The following UBE2W variants were observed in gnomAD, a reference collection of about 807,000 sequenced individuals.
UBE2W encodes ubiquitin conjugating enzyme E2 W, also known as ubiquitin-conjugating enzyme E2 W.
Under a neutral mutation model 27.2 loss-of-function variants are expected in UBE2W, and 18 were observed. That is an observed-to-expected ratio of 0.66 (90% CI 0.46 to 0.98). UBE2W has a LOEUF of 0.98. UBE2W is among the 50% of genes least tolerant of loss of function. The probability of loss-of-function intolerance (pLI) is 0.00; values close to 1 mark genes in which losing one functional copy is unlikely to be tolerated. For missense variants in UBE2W, 90 were observed against 180.2 expected, an observed-to-expected ratio of 0.50 and a Z score of 2.87; for synonymous variants, 53 against 57.2, an observed-to-expected ratio of 0.93 and a Z score of 0.33.
At chr8:73,864,290 A>G (rs997663866) in intron 1 of UBE2W, among the ~76,000 whole-genome samples, 2 of 152,176 alleles carry the variant, frequency 1.3e-5, no homozygotes, top group African/African-American at 4.8e-5. Context: ...ACTATTTGGA[A>G]GGCTAAGGCA....
At chr8:73,861,610 G>C (rs775386596) in intron 1 of UBE2W, among the ~76,000 whole-genome samples, 1 of 152,064 alleles carries the variant, frequency 6.6e-6, no homozygotes, top group African/African-American at 2.4e-5. Flanking sequence ...GACCAACCCA[G>C]ATTACGTTTT....
rs2130865200 is a variant in UBE2W at position 73,805,723 on chromosome 8, GTC to G, written c.368_369del (p.Arg123ThrfsTer5). On this transcript the variant is annotated frameshift_variant and splice_region_variant, in exon 5 of 6. Coordinates refer to ENST00000602593, the MANE Select transcript of UBE2W (RefSeq NM_018299.6). LOFTEE classifies it high-confidence loss of function. ...ISMLSSCKEK[R>X]RPPDNSFYVR... ...ACATAAAAAGAATTATCCGGTGGTC[GTC>G]TCTGAAACAAAAAATAATTTAAATA... is the stretch of plus-strand genomic sequence containing the variant. The G allele has an allele frequency of 6.6e-7, 1 of 1,504,796 alleles. No individual in the cohort carries two copies. Among genetic ancestry groups the G allele is most frequent in the Non-Finnish European group, 9.0e-7 (1 of 1,116,576 alleles). The allele number at this position is 1,504,796 out of a possible 1,614,324, so 93.2% of individuals were successfully genotyped here.
chr8:73,787,685 CT>C lies in UBE2W; in HGVS notation c.*6416del, dbSNP rs1808013937. On this transcript the variant is annotated 3_prime_UTR_variant, in exon 6 of 6. Transcript: ENST00000602593. ...AGATAGCCCCTTCTTGTGGTTATTT[CT>C]TTCCTCTTCTTGCAGCTTCAAGAGT... The C allele has an allele frequency of 1.0e-6, 1 of 985,304 alleles. No individual in the cohort carries two copies. The highest frequency in any genetic ancestry group is 4.7e-5 in the South Asian group (1 of 21,292). 61.0% of individuals were successfully genotyped at this position (985,304 alleles called of 1,614,324 possible).
At chr8:73,829,692 T>C (rs911061502) in intron 2 of UBE2W, among the ~76,000 whole-genome samples, 11 of 152,254 alleles carry the variant, frequency 7.2e-5, no homozygotes, top group African/African-American at 2.6e-4. Context: ...CCCAAAACTG[T>C]TTCCTCTGAA....
chr8:73,845,062 C>CCTGCCCGGCCAG (rs1810727668), intron 1 of UBE2W, among the ~76,000 whole-genome samples: 1 of 147,444 alleles, frequency 6.8e-6, no homozygotes, highest in Non-Finnish European at 1.5e-5. Context: ...GTGGCCAGCC[C>CCTGCCCGGCCAG]CCGCCCGGCC....
rs1808304230 is a variant in UBE2W, at chr8:73,793,902, A to G, written c.*200T>C. On this transcript the variant is annotated 3_prime_UTR_variant, in exon 6 of 6. Transcript: ENST00000602593. ...CCTGCATTAATACTGTATGACTAAT[A>G]AAAGCATGTCAGTTGCCTGGACTGA... 7.1e-7 allele frequency: 1 copy of G among 1,405,418 alleles called. No individual in the cohort carries two copies. The highest frequency in any genetic ancestry group is 9.3e-7 in the Non-Finnish European group (1 of 1,075,884). The allele number at this position is 1,405,418 out of a possible 1,614,324, so 87.1% of individuals were successfully genotyped here. A position where few individuals can be genotyped will look rare whatever the true frequency, so the allele number is the denominator to read the frequency against.
Position 73,793,019 on chromosome 8 carries a change from A to G in UBE2W, c.*1083T>C. 1 of 985,558 alleles carries G rather than the reference A, an allele frequency of 1.0e-6. No homozygotes were observed. Among genetic ancestry groups the G allele is most frequent in the South Asian group, 4.7e-5 (1 of 21,284 alleles). 61.1% of individuals were successfully genotyped at this position (985,558 alleles called of 1,614,324 possible). On this transcript the variant is annotated 3_prime_UTR_variant, in exon 6 of 6. Coordinates refer to ENST00000602593, the MANE Select transcript of UBE2W (RefSeq NM_018299.6). The stretch of plus-strand genomic sequence containing the variant: ...TTTTAGGGTACAGGATTAAAGGACA[A>G]GATGATACTCACAAGTAAAGAAAAT...
At position 73,878,789 on chromosome 8, in the gene UBE2W, T is replaced by A; in HGVS notation, c.15+19A>T. 3.9e-6 allele frequency: 6 copies of A among 1,546,956 alleles called. No individual in the cohort carries two copies. Among genetic ancestry groups the A allele is most frequent in the Non-Finnish European group, 5.2e-6 (6 of 1,143,406 alleles). ...TCGGCGGCTCCCTGGCCCGCCCAGA[T>A]GCAGCAAACTCCTCTCACCTGCATT... On this transcript the variant is annotated intron_variant, in intron 1 of 5. Coordinates refer to ENST00000602593, the MANE Select transcript of UBE2W (RefSeq NM_018299.6).
chr8:73,799,153 T>A (rs895025700), intron 5 of UBE2W, among the ~76,000 whole-genome samples: 8 of 152,110 alleles, frequency 5.3e-5, no homozygotes, highest in African/African-American at 1.9e-4. Flanking sequence ...TCAATACAAC[T>A]TTTTATTTAA....
At chr8:73,832,793 C>T (rs1810129764) in intron 1 of UBE2W, among the ~76,000 whole-genome samples, 1 of 152,210 alleles carries the variant, frequency 6.6e-6, no homozygotes, top group Non-Finnish European at 1.5e-5. Flanking sequence ...GAGCATTTCA[C>T]ATTTCAGATT....
At chr8:73,834,831 C>T (rs1810239529) in intron 1 of UBE2W, among the ~76,000 whole-genome samples, 1 of 152,160 alleles carries the variant, frequency 6.6e-6, no homozygotes, top group South Asian at 2.1e-4. Flanking sequence ...ATAGCTTGAA[C>T]TCGGGAGGCG....
At chr8:73,781,633 TTTTTA>T (rs1372949788), downstream of UBE2W, among the ~76,000 whole-genome samples, 33 of 151,178 alleles carry the variant, frequency 2.2e-4, no homozygotes, top group African/African-American at 6.6e-4. Flanking sequence ...TTTTTTTTTT[TTTTTA>T]TTTTTAAACA....
chr8:73,854,200 A>T (rs149049385), intron 1 of UBE2W, among the ~76,000 whole-genome samples: 3 of 152,170 alleles, frequency 2.0e-5, no homozygotes, highest in Non-Finnish European at 4.4e-5. Context: ...ACTTAGTAAC[A>T]CCATTCTTAA....
chr8:73,830,294 AAAT>A, intron 2 of UBE2W, 84 bp downstream of exon 2: 1 of 951,270 alleles, frequency 1.1e-6, no homozygotes, highest in Non-Finnish European at 1.6e-6. Flanking sequence ...TGAAATGTGA[AAAT>A]AATTTTGTAG....
chr8:73,827,556 G>T (rs893967137), intron 2 of UBE2W, among the ~76,000 whole-genome samples: 4 of 151,554 alleles, frequency 2.6e-5, no homozygotes, highest in Non-Finnish European at 5.9e-5. Flanking sequence ...TTGAGACAGG[G>T]TCTCACTCTG....
chr8:73,824,374 C>T (rs1325062861), intron 3 of UBE2W, among the ~76,000 whole-genome samples: 1 of 152,210 alleles, frequency 6.6e-6, no homozygotes, highest in Non-Finnish European at 1.5e-5. Context: ...TATTTAACAT[C>T]TGATGATGTA....
chr8:73,837,766 T>C (rs1483914859), intron 1 of UBE2W, among the ~76,000 whole-genome samples: 1 of 152,216 alleles, frequency 6.6e-6, no homozygotes, highest in Non-Finnish European at 1.5e-5. Context: ...TAACTGATTC[T>C]TATCTTGGTA....
intron 1 of UBE2W, among the ~76,000 whole-genome samples, chr8:73,855,523 T>C (rs1811260139): frequency 6.7e-6 from 1 of 148,392 alleles, no homozygotes; most frequent in South Asian, 2.2e-4. Context: ...TGCCTCAGCC[T>C]CCCAAGTAGC....
chr8:73,810,136 T>C (rs1012854355), intron 4 of UBE2W, among the ~76,000 whole-genome samples: 1 of 152,190 alleles, frequency 6.6e-6, no homozygotes, highest in Non-Finnish European at 1.5e-5. Context: ...TTTCTGAGGC[T>C]TTCCACTGTG....
Sources: gnomAD v4.1 joint callset for allele counts (sites outside exome capture counted in the v4.1 genomes callset) on GRCh38, gnomAD v4.1.1 for gene constraint, MANE v1.5 for transcripts, NCBI Gene and HGNC (gene_info 2026-07-23, HGNC 2026-07-21) for gene names.